The following MOB3B variants were observed in gnomAD, a reference collection of about 807,000 sequenced individuals.
The protein encoded by MOB3B is MOB kinase activator-like 2B.
In MOB3B, 7 loss-of-function variants were observed where a neutral mutation model predicts 18.7. That is an observed-to-expected ratio of 0.37 (90% CI 0.21 to 0.70). The LOEUF (loss-of-function observed/expected upper bound fraction) is 0.70, where lower values mean the gene tolerates loss of function less well. Among genes scored for constraint, MOB3B ranks in the 30% least tolerant of loss-of-function variants. MOB3B has a pLI of 0.52. For missense variants in MOB3B, 253 were observed against 281.3 expected (o/e 0.90, Z 0.72); for synonymous variants, 111 against 99.9 (o/e 1.11, Z -0.66).
intron 3 of MOB3B, among the ~76,000 whole-genome samples, chr9:27,335,396 G>A (rs1249863143): frequency 2.0e-5 from 3 of 152,146 alleles, no homozygotes; most frequent in African/African-American, 7.2e-5. Context: ...CTGGACTGCT[G>A]GCCTGTGGGC....
In MOB3B at chr9:27,444,274, G is replaced by A. The variant is rs144912110; in HGVS notation, c.418+10859C>T. Among the ~76,000 whole-genome samples, 278 of 112,664 alleles carry A rather than the reference G, an allele frequency of 2.5e-3. 1 individual carries two copies. Among genetic ancestry groups the A allele is most frequent in the African/African-American group, 7.3e-3 (182 of 24,900 alleles). 73.9% of individuals were successfully genotyped at this position (112,664 alleles called of 152,430 possible). On this transcript the variant is annotated intron_variant, in intron 2 of 3. Transcript: ENST00000262244. ...AAGGAAGGAAGGAAGGAAGGAGGGA[G>A]GGAGGGAGGGAGGGAAGGAAGGAAG...
intron 1 of MOB3B, among the ~76,000 whole-genome samples, chr9:27,464,009 C>A (rs1245610459): frequency 6.6e-6 from 1 of 151,966 alleles, no homozygotes; most frequent in African/African-American, 2.4e-5. Context: ...TGGTGCTTAC[C>A]TTTATTGTAA....
At chr9:27,438,383 G>C (rs1822544612) in intron 2 of MOB3B, among the ~76,000 whole-genome samples, 1 of 152,176 alleles carries the variant, frequency 6.6e-6, no homozygotes, top group Admixed American at 6.5e-5. Flanking sequence ...AACTGCTACT[G>C]CTGAATTGGT....
rs1253462923 is a variant in MOB3B, at chr9:27,455,720, T to A, written c.-170A>T. ...CAGCCCCTTCCATCTTCCTCTTGAA[T>A]GATTTCCAAGGGAACCTCATGTTCT... On this transcript the variant is annotated 5_prime_UTR_variant, in exon 2 of 4. Coordinates refer to ENST00000262244, the MANE Select transcript of MOB3B (RefSeq NM_024761.5). 1 of 1,460,126 alleles carries A rather than the reference T, an allele frequency of 6.8e-7. No homozygotes were observed. Among genetic ancestry groups the A allele is most frequent in the Non-Finnish European group, 9.0e-7 (1 of 1,114,930 alleles). 90.4% of individuals were successfully genotyped at this position (1,460,126 alleles called of 1,614,324 possible).
At chr9:27,404,461 G>A (rs1463188626) in intron 2 of MOB3B, among the ~76,000 whole-genome samples, 3 of 145,116 alleles carry the variant, frequency 2.1e-5, no homozygotes, top group Admixed American at 7.1e-5. Context: ...AAGTTCAAGC[G>A]ATTCTCCTGC....
chr9:27,473,989 G>A (rs1819514014), intron 1 of MOB3B, among the ~76,000 whole-genome samples: 2 of 152,236 alleles, frequency 1.3e-5, no homozygotes, highest in South Asian at 4.1e-4. Flanking sequence ...ACCCTCAAGA[G>A]GGCCCACACC....
At chr9:27,501,821 A>G (rs1267836262) in intron 1 of MOB3B, among the ~76,000 whole-genome samples, 1 of 152,028 alleles carries the variant, frequency 6.6e-6, no homozygotes, top group African/African-American at 2.4e-5. Context: ...GAGCAATTTA[A>G]TGTACTTCCA....
chr9:27,385,884 A>G (rs1821644510), intron 2 of MOB3B, among the ~76,000 whole-genome samples: 1 of 152,202 alleles, frequency 6.6e-6, no homozygotes, highest in Admixed American at 6.5e-5. Context: ...TGAGGTTTGG[A>G]TGCTTCTCAT....
intron 2 of MOB3B, among the ~76,000 whole-genome samples, chr9:27,401,435 G>T (rs942327090): frequency 6.6e-6 from 1 of 152,162 alleles, no homozygotes; most frequent in Non-Finnish European, 1.5e-5. Flanking sequence ...GTCCACCCTG[G>T]TCCACGGAGG....
At chr9:27,347,039 A>G (rs186314444) in intron 3 of MOB3B, among the ~76,000 whole-genome samples, 38 of 152,300 alleles carry the variant, frequency 2.5e-4, no homozygotes, top group Admixed American at 4.6e-4. Context: ...AGAAATAAAC[A>G]AAGTAAAAGG....
At chr9:27,337,031 C>A (rs1199709302) in intron 3 of MOB3B, among the ~76,000 whole-genome samples, 1 of 152,234 alleles carries the variant, frequency 6.6e-6, no homozygotes. Context: ...CTACCGGCCC[C>A]GTGCCCGAGC....
intron 1 of MOB3B, among the ~76,000 whole-genome samples, chr9:27,512,474 A>C (rs1820161551): frequency 6.6e-6 from 1 of 152,222 alleles, no homozygotes; most frequent in Admixed American, 6.5e-5. Context: ...GAGATGCCAA[A>C]AGTTTAATAA....
chr9:27,463,956 C>CA (rs556210519), intron 1 of MOB3B, among the ~76,000 whole-genome samples: 73 of 149,462 alleles, frequency 4.9e-4, no homozygotes, highest in African/African-American at 8.9e-4. Flanking sequence ...GACCCTGTCT[C>CA]AAAAAAAAGA....
At chr9:27,468,479 G>C (rs1044925059) in intron 1 of MOB3B, among the ~76,000 whole-genome samples, 2 of 152,226 alleles carry the variant, frequency 1.3e-5, no homozygotes, top group African/African-American at 4.8e-5. Context: ...GTAAAGCAGA[G>C]GGAACAAGGT....
intron 1 of MOB3B, among the ~76,000 whole-genome samples, chr9:27,487,828 C>A (rs565625313): frequency 6.6e-6 from 1 of 152,330 alleles, no homozygotes; most frequent in African/African-American, 2.4e-5. Context: ...ATTGATTCTG[C>A]TATGCTATCA....
chr9:27,496,400 A>G (rs573715734), intron 1 of MOB3B, among the ~76,000 whole-genome samples: 1 of 152,046 alleles, frequency 6.6e-6, no homozygotes, highest in African/African-American at 2.4e-5. Flanking sequence ...TTCTGATCAG[A>G]CTCTCAGGTT....
chr9:27,376,144 A>G (rs35480056), intron 2 of MOB3B, among the ~76,000 whole-genome samples: 3,710 of 152,286 alleles, frequency 0.024, 60 homozygotes, highest in Middle Eastern at 0.041. Context: ...TGTACTTGAC[A>G]TAAGTATTAG....
intron 2 of MOB3B, among the ~76,000 whole-genome samples, chr9:27,410,076 G>GT (rs1822041517): frequency 6.6e-6 from 1 of 152,132 alleles, no homozygotes; most frequent in East Asian, 1.9e-4. Context: ...GGTGAAAATG[G>GT]TAAGTTTTAT....
chr9:27,402,537 T>C (rs1240448822), intron 2 of MOB3B, among the ~76,000 whole-genome samples: 1 of 152,210 alleles, frequency 6.6e-6, no homozygotes, highest in Non-Finnish European at 1.5e-5. Context: ...ACACGATAAA[T>C]GTCTATTAAA....
Sources: gnomAD v4.1 joint callset for allele counts (sites outside exome capture counted in the v4.1 genomes callset) on GRCh38, gnomAD v4.1.1 for gene constraint, MANE v1.5 for transcripts, NCBI Gene and HGNC (gene_info 2026-07-23, HGNC 2026-07-21) for gene names.